SGCZ: variants seen among roughly 807,000 people sequenced by gnomAD.
SGCZ encodes zeta-sarcoglycan.
In SGCZ, 40 loss-of-function variants were observed where a neutral mutation model predicts 41.3. The ratio of observed to expected loss-of-function variants is 0.97; its 90% CI spans 0.75 to 1.26. The LOEUF (loss-of-function observed/expected upper bound fraction) is 1.26. Ranked by LOEUF, SGCZ falls within the 50% of genes most tolerant of loss-of-function variation. The probability of loss-of-function intolerance (pLI) is 0.00; values close to 1 mark genes in which losing one functional copy is unlikely to be tolerated. For synonymous variants in SGCZ, 206 were observed against 137.5 expected (o/e 1.50, Z -3.49); for missense variants, 552 against 369.8 (o/e 1.49, Z -4.04).
intron 5 of SGCZ, among the ~76,000 whole-genome samples, chr8:14,146,380 A>G (rs78541926): frequency 0.044 from 6,651 of 152,242 alleles, 210 homozygotes; most frequent in Non-Finnish European, 0.07. Flanking sequence ...AAACTTCCCC[A>G]GACAAACTAA....
At chr8:15,228,615 C>A (rs1182982245) in intron 1 of SGCZ, among the ~76,000 whole-genome samples, 1 of 152,086 alleles carries the variant, frequency 6.6e-6, no homozygotes, top group Non-Finnish European at 1.5e-5. Flanking sequence ...TAACAGACAA[C>A]AGAAATACAG....
At chr8:15,062,287 C>A (rs952228126) in intron 1 of SGCZ, among the ~76,000 whole-genome samples, 8 of 152,070 alleles carry the variant, frequency 5.3e-5, no homozygotes, top group African/African-American at 1.9e-4. Flanking sequence ...AACCATTATG[C>A]AACTTAAGCT....
chr8:14,100,323 G>A (rs969672346), intron 7 of SGCZ, among the ~76,000 whole-genome samples: 5 of 151,158 alleles, frequency 3.3e-5, no homozygotes, highest in Non-Finnish European at 7.4e-5. Flanking sequence ...ATATGTAAAT[G>A]ATTCTTATAT....
chr8:14,317,207 A>C (rs952797776), intron 3 of SGCZ, among the ~76,000 whole-genome samples: 3 of 152,106 alleles, frequency 2.0e-5, no homozygotes, highest in African/African-American at 7.2e-5. Flanking sequence ...AATTAAAAAT[A>C]ATATTCCTTG....
At chr8:14,550,421 T>C (rs111480379) in intron 2 of SGCZ, among the ~76,000 whole-genome samples, 267 of 151,464 alleles carry the variant, frequency 1.8e-3, no homozygotes, top group African/African-American at 6.1e-3. Flanking sequence ...AGGAAAAGTA[T>C]TCAGGATTGT....
At chr8:14,235,904 C>T (rs755040671) in intron 4 of SGCZ, among the ~76,000 whole-genome samples, 1 of 152,098 alleles carries the variant, frequency 6.6e-6, no homozygotes, top group Non-Finnish European at 1.5e-5. Flanking sequence ...AGGATGATCT[C>T]GATTTCTTGA....
chr8:14,636,179 T>G (rs1489052655), intron 1 of SGCZ, among the ~76,000 whole-genome samples: 1 of 151,826 alleles, frequency 6.6e-6, no homozygotes, highest in African/African-American at 2.4e-5. Flanking sequence ...GGAAATATAC[T>G]GGTAGATGAA....
chr8:14,294,193 G>C (rs749127776), intron 3 of SGCZ, among the ~76,000 whole-genome samples: 1 of 151,680 alleles, frequency 6.6e-6, no homozygotes, highest in Non-Finnish European at 1.5e-5. Context: ...CACTTATTTG[G>C]AAGTTTTTTA....
chr8:14,190,010 C>CTTTTTTTTTT (rs1397799185), intron 4 of SGCZ, among the ~76,000 whole-genome samples: 3 of 68,500 alleles, frequency 4.4e-5, no homozygotes, highest in Admixed American at 2.1e-4. Flanking sequence ...TTCTTTCTTT[C>CTTTTTTTTTT]TTTCTTTTTT....
At chr8:14,903,590 T>C (rs1208626188) in intron 1 of SGCZ, among the ~76,000 whole-genome samples, 1 of 151,908 alleles carries the variant, frequency 6.6e-6, no homozygotes, top group African/African-American at 2.4e-5. Context: ...AGCCTTTAGG[T>C]TGGAAAAAAT....
chr8:14,711,756 T>A (rs916734651), intron 1 of SGCZ, among the ~76,000 whole-genome samples: 1 of 152,196 alleles, frequency 6.6e-6, no homozygotes, highest in Non-Finnish European at 1.5e-5. Context: ...AATCAAAAAC[T>A]GCACATAGTA....
At chr8:14,885,015 G>A in intron 1 of SGCZ, among the ~76,000 whole-genome samples, 1 of 152,104 alleles carries the variant, frequency 6.6e-6, no homozygotes, top group South Asian at 2.1e-4. Context: ...CTTTTTCCTT[G>A]TATTAGTAAA....
At chr8:14,558,156 AG>A (rs1804090145) in intron 1 of SGCZ, among the ~76,000 whole-genome samples, 1 of 152,172 alleles carries the variant, frequency 6.6e-6, no homozygotes, top group South Asian at 2.1e-4. Flanking sequence ...ACAAGCAGTG[AG>A]ATTGAAACTG....
At chr8:15,103,431 A>AATAAATAC in intron 1 of SGCZ, among the ~76,000 whole-genome samples, 1 of 151,792 alleles carries the variant, frequency 6.6e-6, no homozygotes, top group South Asian at 2.1e-4. Flanking sequence ...TAAATAAATA[A>AATAAATAC]AAGTAAATGA....
At chr8:14,270,758 A>C (rs912748254) in intron 3 of SGCZ, among the ~76,000 whole-genome samples, 1 of 152,166 alleles carries the variant, frequency 6.6e-6, no homozygotes, top group Admixed American at 6.5e-5. Context: ...GGTATAGTAT[A>C]CATTCACATT....
At chr8:14,868,833 A>G (rs1804033309) in intron 1 of SGCZ, among the ~76,000 whole-genome samples, 1 of 152,144 alleles carries the variant, frequency 6.6e-6, no homozygotes, top group African/African-American at 2.4e-5. Context: ...AAATTTGAAA[A>G]TCTAGAAGAA....
At chr8:14,283,940 G>A (rs527559663) in intron 3 of SGCZ, among the ~76,000 whole-genome samples, 3 of 152,236 alleles carry the variant, frequency 2.0e-5, no homozygotes, top group African/African-American at 2.4e-5. Context: ...TTATTTTGTT[G>A]CTTATTGGAT....
intron 5 of SGCZ, among the ~76,000 whole-genome samples, chr8:14,110,250 T>G (rs916422002): frequency 6.6e-6 from 1 of 152,094 alleles, no homozygotes; most frequent in Admixed American, 6.6e-5. Flanking sequence ...AAGATATGCA[T>G]CCCAGAAAAG....
chr8:14,977,810 A>G (rs1007922165), intron 1 of SGCZ, among the ~76,000 whole-genome samples: 1 of 152,106 alleles, frequency 6.6e-6, no homozygotes. Flanking sequence ...TGATTTTAAG[A>G]GATATATTTT....
Sources: gnomAD v4.1 joint callset for allele counts (sites outside exome capture counted in the v4.1 genomes callset) on GRCh38, gnomAD v4.1.1 for gene constraint, MANE v1.5 for transcripts, NCBI Gene and HGNC (gene_info 2026-07-23, HGNC 2026-07-21) for gene names.